The following CPNE2 variants were observed in gnomAD, a reference collection of about 807,000 sequenced individuals.
CPNE2 encodes copine 2, also known as copine-2.
Under a neutral mutation model 69.7 loss-of-function variants are expected in CPNE2, and 42 were observed. The observed-to-expected ratio is 0.60, with a 90% CI of 0.47 to 0.78. The LOEUF (loss-of-function observed/expected upper bound fraction) is 0.78. Ranked by LOEUF, CPNE2 falls within the 30% of genes least tolerant of loss-of-function variation. The pLI is 0.00. For missense variants in CPNE2, 587 were observed against 732.0 expected (o/e 0.80, Z 2.29); for synonymous variants, 294 against 289.8 (o/e 1.01, Z -0.15).
chr16:57,118,304 T>C (rs1228435601), intron 5 of CPNE2, among the ~76,000 whole-genome samples: 1 of 149,424 alleles, frequency 6.7e-6, no homozygotes, highest in Non-Finnish European at 1.5e-5. Flanking sequence ...TAGCTGGGAC[T>C]ACAGGCGCCT....
chr16:57,147,393 T>A (rs1441272146), intron 15 of CPNE2, 158 bp from the exon 16 acceptor site: 13 of 457,754 alleles, frequency 2.8e-5, no homozygotes, highest in South Asian at 2.3e-4. Flanking sequence ...TGGGCTGAGA[T>A]GAGGGATGCC....
Position 57,121,110 on chromosome 16 carries a change from T to G in CPNE2, c.699T>G (p.Tyr233Ter). The change falls in exon 8 of 16, where the codon TAT (tyrosine) becomes TAG (stop). Residue 233 changes from tyrosine to a stop codon, truncating the protein, a stop_gained. Transcript: ENST00000290776. LOFTEE classifies it high-confidence loss of function. ...EKPIQVMCYD[Y>*]DNDGGHDFIG... is the part of the protein sequence containing the mutation. Reference sequence around the variant, plus strand: ...CACCCCAGGTCATGTGCTACGACTATGACAATGACGGGGGCCATGACTTCA... The same window carrying G: ...CACCCCAGGTCATGTGCTACGACTAGGACAATGACGGGGGCCATGACTTCA... 6.2e-7 allele frequency: 1 copy of G among 1,613,834 alleles called. No homozygotes were observed. The highest frequency in any genetic ancestry group is 8.5e-7 in the Non-Finnish European group (1 of 1,179,880).
At chr16:57,145,869 T>C in intron 14 of CPNE2, 1 of 582,034 alleles carries the variant, frequency 1.7e-6, no homozygotes, top group Non-Finnish European at 3.1e-6. Flanking sequence ...AGTTTGTACT[T>C]CCTGCTGTGA....
intron 1 of CPNE2, among the ~76,000 whole-genome samples, chr16:57,101,398 C>A (rs1019442109): frequency 6.6e-6 from 1 of 152,190 alleles, no homozygotes; most frequent in Non-Finnish European, 1.5e-5. Context: ...GTTCCAACCC[C>A]CCAAAAGTTC....
chr16:57,098,942 GTGTTTTT>G (rs1416594873), intron 1 of CPNE2, among the ~76,000 whole-genome samples: 3 of 152,168 alleles, frequency 2.0e-5, no homozygotes, highest in Admixed American at 6.5e-5. Flanking sequence ...ATTGGTTTTG[GTGTTTTT>G]TGTTTTTTGT....
chr16:57,134,716 G>A, intron 12 of CPNE2, 59 bp from the exon 13 acceptor site: 1 of 1,598,220 alleles, frequency 6.3e-7, no homozygotes, highest in Non-Finnish European at 8.6e-7. Flanking sequence ...AGTGGGTGGT[G>A]GCCTGGGTCT....
At chr16:57,108,060 G>A (rs976646041) in intron 1 of CPNE2, among the ~76,000 whole-genome samples, 3 of 151,984 alleles carry the variant, frequency 2.0e-5, no homozygotes, top group Non-Finnish European at 4.4e-5. Context: ...AGTAGAGATG[G>A]GGTTTCACCA....
chr16:57,130,608 ATT>A lies in CPNE2; in HGVS notation c.1116+2708_1116+2709del, dbSNP rs2069830841. Among the ~76,000 whole-genome samples, 1 of 152,006 alleles carries A rather than the reference ATT, an allele frequency of 6.6e-6. No individual in the cohort carries two copies. The highest frequency in any genetic ancestry group is 1.5e-5 in the Non-Finnish European group (1 of 68,010). ...ATGAGGTAGGCCCTGTTATGAACCC[ATT>A]TTGATCGTTGAGGAAGCCAAGCAGT... On this transcript the variant is annotated intron_variant, in intron 12 of 15. Coordinates refer to ENST00000290776, the MANE Select transcript of CPNE2 (RefSeq NM_152727.6). The surrounding 1 kb of genome is among the most constrained non-coding windows in gnomAD (Gnocchi z 4.1).
At chr16:57,094,220 C>A (rs75443589) in intron 1 of CPNE2, 40,237 of 386,632 alleles carry the variant, frequency 0.1, 2,585 homozygotes, top group East Asian at 0.25. Context: ...TTCCTGTCTG[C>A]GTGCCTTGTC....
intron 2 of CPNE2, among the ~76,000 whole-genome samples, chr16:57,111,582 G>A (rs1057308490): frequency 1.3e-5 from 2 of 152,240 alleles, no homozygotes; most frequent in African/African-American, 4.8e-5. Flanking sequence ...GTAAGAAACA[G>A]AGAAACAGTG....
At chr16:57,108,413 C>G (rs1341281893) in intron 1 of CPNE2, among the ~76,000 whole-genome samples, 2 of 152,254 alleles carry the variant, frequency 1.3e-5, no homozygotes, top group Non-Finnish European at 2.9e-5. Context: ...ACCCACCACC[C>G]CCACTTACTT....
chr16:57,140,945 G>A (rs1159232859), intron 14 of CPNE2: 1 of 149,864 alleles, frequency 6.7e-6, no homozygotes, highest in Non-Finnish European at 1.5e-5. Context: ...CACAGCAAGA[G>A]GCAGGCTTCA....
At chr16:57,104,750 A>G (rs1204497140) in intron 1 of CPNE2, among the ~76,000 whole-genome samples, 2 of 152,220 alleles carry the variant, frequency 1.3e-5, no homozygotes, top group Admixed American at 6.5e-5. Context: ...GACAGATTAC[A>G]TCAGCCTGGG....
chr16:57,124,736 C>T (rs545716154), intron 10 of CPNE2: 11 of 244,328 alleles, frequency 4.5e-5, no homozygotes, highest in Non-Finnish European at 6.7e-5. Flanking sequence ...GTTGTCTCAC[C>T]GTTCCCCATC....
chr16:57,145,905 G>A lies in CPNE2; in HGVS notation c.1303-180G>A, dbSNP rs2069953611. Reference sequence around the variant, plus strand: ...CCAGGTCAGAGTTTAGAGCATGAGAGGCCTGCAGGGGTGGGGTGCTGAGAG... The same window carrying A: ...CCAGGTCAGAGTTTAGAGCATGAGAAGCCTGCAGGGGTGGGGTGCTGAGAG... On this transcript the variant is annotated intron_variant, in intron 14 of 15. Transcript: ENST00000290776. 3 of 617,402 alleles carry A rather than the reference G, an allele frequency of 4.9e-6. No homozygotes were observed. The Middle Eastern group carries it at 1.3e-3, about 265-fold the overall frequency. 38.2% of individuals were successfully genotyped at this position (617,402 alleles called of 1,614,324 possible). A position where few individuals can be genotyped will look rare whatever the true frequency, so the allele number is the denominator to read the frequency against.
At chr16:57,122,773 A>G (rs1400493163) in intron 9 of CPNE2, among the ~76,000 whole-genome samples, 1 of 151,890 alleles carries the variant, frequency 6.6e-6, no homozygotes, top group Non-Finnish European at 1.5e-5. Context: ...TTGTGTTTTT[A>G]GTAGAGATGG....
rs781518184 is a variant in CPNE2, at chr16:57,125,952, G to A, written c.1020G>A (p.Ser340=). Residue 340 remains serine, a synonymous_variant, in exon 11 of 16, where the codon TCG becomes TCA. Coordinates refer to ENST00000290776, the MANE Select transcript of CPNE2 (RefSeq NM_152727.6). ...INPMGTNEYL[S]AIWAVGQIIQ... ...CTATGGGCACCAACGAATATCTGTC[G>A]GCCATCTGGGCTGTTGGGCAGATCA... is the stretch of plus-strand genomic sequence containing the variant. The A allele has an allele frequency of 2.2e-5, 35 of 1,613,970 alleles. No homozygotes were observed. Among genetic ancestry groups the A allele is most frequent in the South Asian group, 3.3e-5 (3 of 91,078 alleles).
chr16:57,119,651 G>A lies in CPNE2; in HGVS notation c.681+1G>A. ...TGGGGACATGGAGAAGCCCATCCAG[G>A]TGAGGGGGCTCTGGGGACCCTGCTC... is the stretch of plus-strand genomic sequence containing the variant. On this transcript the variant is annotated splice_donor_variant, in intron 7 of 15. Coordinates refer to ENST00000290776, the MANE Select transcript of CPNE2 (RefSeq NM_152727.6). LOFTEE classifies it high-confidence loss of function. The A allele has an allele frequency of 1.2e-6, 2 of 1,603,610 alleles. No individual in the cohort carries two copies. The highest frequency in any genetic ancestry group is 2.2e-5 in the East Asian group (1 of 44,676).
At chr16:57,094,800 G>T (rs1251500573) in intron 1 of CPNE2, among the ~76,000 whole-genome samples, 1 of 152,184 alleles carries the variant, frequency 6.6e-6, no homozygotes, top group African/African-American at 2.4e-5. Context: ...AGGGGCAGGG[G>T]CCTGGGGTGA....
Sources: allele counts gnomAD v4.1 joint callset (sites outside exome capture counted in the v4.1 genomes callset), GRCh38; gene constraint gnomAD v4.1.1; non-coding constraint Gnocchi (gnomAD v3.1); transcripts MANE v1.5; gene names NCBI Gene and HGNC (gene_info 2026-07-23, HGNC 2026-07-21).